TRHDE: variants seen among roughly 807,000 people sequenced by gnomAD.
TRHDE encodes thyrotropin-releasing hormone-degrading ectoenzyme.
A neutral mutation model predicts 125.7 loss-of-function variants in TRHDE; 72 were observed. The observed-to-expected ratio is 0.57, with a 90% confidence interval of 0.47 to 0.70. TRHDE has a LOEUF of 0.70. Ranked by LOEUF, TRHDE falls within the 30% of genes least tolerant of loss-of-function variation. The pLI, the probability that TRHDE is intolerant of heterozygous loss-of-function variation, is 0.00. For missense variants in TRHDE, 1,110 were observed against 1,327.1 expected, an observed-to-expected ratio of 0.84 and a Z score of 2.54; for synonymous variants, 509 against 509.1, an observed-to-expected ratio of 1.00 and a Z score of 0.00.
At chr12:72,624,248 C>CTT (rs377308720) in intron 15 of TRHDE, among the ~76,000 whole-genome samples, 31 of 146,696 alleles carry the variant, frequency 2.1e-4, no homozygotes, top group African/African-American at 7.7e-4. Flanking sequence ...AAGGAAAGAA[C>CTT]TTTTTTTTTT....
intron 15 of TRHDE, among the ~76,000 whole-genome samples, chr12:72,622,984 T>C (rs1873115124): frequency 6.6e-6 from 1 of 152,024 alleles, no homozygotes; most frequent in Non-Finnish European, 1.5e-5. Context: ...ATCTGTCTTC[T>C]CTAGAACCAA....
chr12:72,622,128 T>C (rs981563143), intron 15 of TRHDE, among the ~76,000 whole-genome samples: 3 of 152,088 alleles, frequency 2.0e-5, no homozygotes, highest in Non-Finnish European at 4.4e-5. Context: ...ATTACCAGCA[T>C]ATGTCATAAA....
intron 2 of TRHDE, among the ~76,000 whole-genome samples, chr12:72,169,760 C>T (rs1215565823): frequency 6.6e-6 from 1 of 151,980 alleles, no homozygotes; most frequent in Non-Finnish European, 1.5e-5. Context: ...AAGGGCCCCA[C>T]CCTTATGACC....
intron 2 of TRHDE, among the ~76,000 whole-genome samples, chr12:72,369,841 G>A (rs1871497411): frequency 6.6e-6 from 1 of 152,080 alleles, no homozygotes; most frequent in Non-Finnish European, 1.5e-5. Context: ...TCAGAGCTGG[G>A]CTCTTATCAT....
rs1874986055 is a variant in TRHDE, at chr12:72,663,165, C to T, written c.3180C>T (p.Phe1060=). The change falls in exon 19 of 19, where the codon TTC becomes TTT. Residue 1060 remains phenylalanine, a synonymous_variant. Coordinates refer to ENST00000261180, the MANE Select transcript of TRHDE (RefSeq NM_013381.3). The part of the protein sequence containing the change: ...RWKMLYQDEL[F]QWLGKALRH ...AAATGCTTTACCAAGACGAGCTTTT[C>T]CAATGGTTAGGAAAAGCTCTAAGAC... 1 of 1,612,528 alleles carries T rather than the reference C, an allele frequency of 6.2e-7. No individual in the cohort carries two copies.
Position 72,596,193 on chromosome 12 carries a change from T to TA in TRHDE, c.2321+20652dup, listed in dbSNP as rs1871931791. On this transcript the variant is annotated intron_variant, in intron 12 of 18. Transcript: ENST00000261180. Reference sequence around the variant, plus strand: ...CCAGTATGCAAAATGTAATTTTAGATATATCAGTTGCATATTATATTAACT... The same window carrying TA: ...CCAGTATGCAAAATGTAATTTTAGATAATATCAGTTGCATATTATATTAACT... Among the ~76,000 whole-genome samples, 8 of 152,260 alleles carry TA rather than the reference T, an allele frequency of 5.3e-5. No individual in the cohort carries two copies. In the South Asian group the frequency reaches 1.7e-3, roughly 32 times the overall value.
At chr12:72,468,993 C>T (rs941314992) in intron 3 of TRHDE, among the ~76,000 whole-genome samples, 4 of 152,290 alleles carry the variant, frequency 2.6e-5, no homozygotes, top group African/African-American at 9.6e-5. Flanking sequence ...TTGATAACAC[C>T]TCTATGACCT....
intron 3 of TRHDE, among the ~76,000 whole-genome samples, chr12:72,437,140 T>C (rs186209829): frequency 6.2e-4 from 95 of 152,028 alleles, no homozygotes; most frequent in Admixed American, 1.1e-3. Flanking sequence ...TTAATTTCTC[T>C]GTTTCCCTAT....
rs747779810 is a variant in TRHDE at position 72,664,372 on chromosome 12, C to G, written c.*1177C>G. 13 of 152,480 alleles carry G rather than the reference C, an allele frequency of 8.5e-5. No homozygotes were observed. The highest frequency in any genetic ancestry group is 1.8e-4 in the Non-Finnish European group (12 of 68,010). The allele number at this position is 152,480 out of a possible 1,614,324, so 9.4% of individuals were successfully genotyped here. A position where few individuals can be genotyped will look rare whatever the true frequency, so the allele number is the denominator to read the frequency against. On this transcript the variant is annotated 3_prime_UTR_variant, in exon 19 of 19. Transcript: ENST00000261180. ...CTAATCCTCCATTAAGCGAGCATAC[C>G]TCAAGTGGGTCTATTAGCATTTAAT... is the stretch of plus-strand genomic sequence containing the variant.
At chr12:72,289,622 A>G (rs887307539) in intron 2 of TRHDE, among the ~76,000 whole-genome samples, 3 of 152,204 alleles carry the variant, frequency 2.0e-5, no homozygotes, top group African/African-American at 7.2e-5. Context: ...ACATTTGTTC[A>G]TTTATTCCTT....
Position 72,176,175 on chromosome 12 carries a change from G to A in TRHDE, n.279+70423G>A, listed in dbSNP as rs112917094. Among the ~76,000 whole-genome samples the A allele has an allele frequency of 2.8e-3, 421 of 152,166 alleles. 3 individuals carry two copies. Among genetic ancestry groups the A allele is most frequent in the African/African-American group, 9.5e-3 (394 of 41,514 alleles). On this transcript the variant is annotated intron_variant and non_coding_transcript_variant, in intron 2 of 4. Coordinates refer to the TRHDE transcript ENST00000548156. ...AGTTTGAGACCAGCTTGAGCAATAT[G>A]GTGAAACCCTAACTCTACCAAAAAA...
chr12:72,658,311 T>C (rs1041701979), intron 18 of TRHDE, among the ~76,000 whole-genome samples: 3 of 152,234 alleles, frequency 2.0e-5, no homozygotes, highest in Non-Finnish European at 4.4e-5. Context: ...TGAAGTACTT[T>C]TAATTTCATG....
rs922887112 is a variant in TRHDE at position 72,499,727 on chromosome 12, C to T, written c.1722+92C>T. 23 of 1,419,548 alleles carry T rather than the reference C, an allele frequency of 1.6e-5. No individual in the cohort carries two copies. In the African/African-American group the frequency reaches 1.7e-4, roughly 11 times the overall value. 87.9% of individuals were successfully genotyped at this position (1,419,548 alleles called of 1,614,324 possible). A position where few individuals can be genotyped will look rare whatever the true frequency, so the allele number is the denominator to read the frequency against. On this transcript the variant is annotated intron_variant, in intron 6 of 18. Coordinates refer to ENST00000261180, the MANE Select transcript of TRHDE (RefSeq NM_013381.3). ...AGATGTATGTATTTTTCTTTTTTTC[C>T]GGGCAGATAGACATAGACTGTGATT...
chr12:72,277,668 T>A (rs886656072), intron 1 of TRHDE, among the ~76,000 whole-genome samples: 2 of 152,138 alleles, frequency 1.3e-5, no homozygotes, highest in African/African-American at 4.8e-5. Context: ...GTAAACCGTA[T>A]CTAGACAATG....
At chr12:72,334,815 C>G (rs1199430464) in intron 2 of TRHDE, among the ~76,000 whole-genome samples, 1 of 152,174 alleles carries the variant, frequency 6.6e-6, no homozygotes, top group African/African-American at 2.4e-5. Context: ...ACTTACAGAT[C>G]CTGAGCGAGG....
chr12:72,541,253 C>G (rs1869134056), intron 6 of TRHDE, among the ~76,000 whole-genome samples: 1 of 151,574 alleles, frequency 6.6e-6, no homozygotes, highest in Non-Finnish European at 1.5e-5. Context: ...ACATTCATTG[C>G]TTACAATCCA....
chr12:72,124,739 C>T (rs895895344), intron 2 of TRHDE, among the ~76,000 whole-genome samples: 10 of 152,058 alleles, frequency 6.6e-5, no homozygotes, highest in Admixed American at 5.2e-4. Flanking sequence ...ACGTTATGAG[C>T]AAAGTTTTTG....
At chr12:72,408,723 T>A (rs768854537) in intron 3 of TRHDE, among the ~76,000 whole-genome samples, 1 of 152,054 alleles carries the variant, frequency 6.6e-6, no homozygotes, top group East Asian at 1.9e-4. Context: ...AATCAAACTT[T>A]TACAAAAGAG....
At chr12:72,339,783 A>G (rs1176223059) in intron 2 of TRHDE, among the ~76,000 whole-genome samples, 1 of 152,162 alleles carries the variant, frequency 6.6e-6, no homozygotes, top group East Asian at 1.9e-4. Flanking sequence ...GTGCTCACCT[A>G]TCCCCCACCC....
Sources: gnomAD v4.1 joint callset for allele counts (sites outside exome capture counted in the v4.1 genomes callset) on GRCh38, gnomAD v4.1.1 for gene constraint, MANE v1.5 for transcripts, NCBI Gene and HGNC (gene_info 2026-07-23, HGNC 2026-07-21) for gene names.